The following UXS1 variants were observed in gnomAD, a reference collection of about 807,000 sequenced individuals.
The protein encoded by UXS1 is UDP-glucuronic acid decarboxylase 1.
Under a neutral mutation model 62.6 loss-of-function variants are expected in UXS1, and 33 were observed. The observed-to-expected ratio is 0.53, with a 90% CI of 0.40 to 0.70. The LOEUF is 0.70. Ranked by LOEUF, UXS1 falls within the 30% of genes least tolerant of loss-of-function variation. The probability of loss-of-function intolerance (pLI) is 0.00; values close to 1 mark genes in which losing one functional copy is unlikely to be tolerated. For synonymous variants in UXS1, 213 were observed against 206.8 expected, an observed-to-expected ratio of 1.03 and a Z score of -0.26; for missense variants, 434 against 556.3, an observed-to-expected ratio of 0.78 and a Z score of 2.21.
At chr2:106,145,906 T>C (rs1681522121) in intron 5 of UXS1, among the ~76,000 whole-genome samples, 1 of 152,240 alleles carries the variant, frequency 6.6e-6, no homozygotes, top group African/African-American at 2.4e-5. Flanking sequence ...ATACATGCTG[T>C]TTGTAGACTA....
At chr2:106,152,238 G>C (rs1046213734) in intron 5 of UXS1, among the ~76,000 whole-genome samples, 7 of 152,162 alleles carry the variant, frequency 4.6e-5, no homozygotes, top group African/African-American at 1.7e-4. Flanking sequence ...GATAGCCTGA[G>C]GTCAGGAGTT....
chr2:106,192,591 T>A (rs1221634817), intron 1 of UXS1, among the ~76,000 whole-genome samples: 1 of 150,640 alleles, frequency 6.6e-6, no homozygotes, highest in Non-Finnish European at 1.5e-5. Context: ...GCTCCATAAA[T>A]CCCCTACTTT....
chr2:106,122,580 G>C (rs1679609357), intron 9 of UXS1, among the ~76,000 whole-genome samples: 2 of 152,184 alleles, frequency 1.3e-5, no homozygotes, highest in Non-Finnish European at 2.9e-5. Flanking sequence ...TAACAATAAA[G>C]AGGTTCAAAT....
chr2:106,130,662 T>G (rs904509689), intron 6 of UXS1, among the ~76,000 whole-genome samples: 3 of 152,292 alleles, frequency 2.0e-5, no homozygotes, highest in African/African-American at 7.2e-5. Flanking sequence ...CGGGCTCCCC[T>G]GACCAGGGAA....
intron 11 of UXS1, 65 bp from the exon 12 acceptor site, chr2:106,101,183 T>G: frequency 6.5e-7 from 1 of 1,528,258 alleles, no homozygotes. Context: ...ACGCACCACA[T>G]AGAAGCCCTC....
At chr2:106,173,570 A>C (rs1396736880) in intron 1 of UXS1, among the ~76,000 whole-genome samples, 1 of 151,988 alleles carries the variant, frequency 6.6e-6, no homozygotes, top group African/African-American at 2.4e-5. Flanking sequence ...AAAATTAAAA[A>C]CCCACAAAAC....
chr2:106,148,554 T>TCTTA (rs1358356492), intron 5 of UXS1, among the ~76,000 whole-genome samples: 1 of 152,246 alleles, frequency 6.6e-6, no homozygotes. Context: ...ATCTCACTAG[T>TCTTA]CTTAGTACTG....
At chr2:106,141,637 C>T (rs1286367143) in intron 6 of UXS1, among the ~76,000 whole-genome samples, 2 of 151,888 alleles carry the variant, frequency 1.3e-5, no homozygotes, top group Non-Finnish European at 2.9e-5. Context: ...TTTGTAGAGA[C>T]AGGGTTTCGC....
intron 14 of UXS1, among the ~76,000 whole-genome samples, chr2:106,096,033 G>A (rs974058813): frequency 1.3e-5 from 2 of 152,188 alleles, no homozygotes; most frequent in Non-Finnish European, 2.9e-5. Flanking sequence ...CTTCAGTCTC[G>A]CACGCTTCCA....
intron 6 of UXS1, 43 bp downstream of exon 6, chr2:106,145,147 C>A: frequency 6.3e-7 from 1 of 1,584,464 alleles, no homozygotes; most frequent in South Asian, 1.2e-5. Context: ...GGCAAGGCCA[C>A]CTGCGGAGCT....
At chr2:106,165,603 A>C (rs1683164785) in intron 2 of UXS1, among the ~76,000 whole-genome samples, 1 of 152,132 alleles carries the variant, frequency 6.6e-6, no homozygotes, top group African/African-American at 2.4e-5. Context: ...AGCACACACG[A>C]TGCATACAGG....
intron 6 of UXS1, among the ~76,000 whole-genome samples, chr2:106,143,234 C>T (rs1327192564): frequency 6.6e-6 from 1 of 150,788 alleles, no homozygotes; most frequent in East Asian, 1.9e-4. Flanking sequence ...GGGTGAAACC[C>T]CGTCTCTACT....
chr2:106,192,015 T>C (rs1297609200), intron 1 of UXS1, among the ~76,000 whole-genome samples: 2 of 152,144 alleles, frequency 1.3e-5, no homozygotes, highest in Non-Finnish European at 2.9e-5. Flanking sequence ...TCAGGCCACA[T>C]CCCAGACCAA....
chr2:106,157,794 T>C (rs983011842), intron 5 of UXS1, among the ~76,000 whole-genome samples: 3 of 152,232 alleles, frequency 2.0e-5, no homozygotes, highest in Admixed American at 6.5e-5. Flanking sequence ...GGCAGATTCA[T>C]AGAGATAGAG....
At chr2:106,192,094 T>C (rs1054120076) in intron 1 of UXS1, among the ~76,000 whole-genome samples, 7 of 152,220 alleles carry the variant, frequency 4.6e-5, no homozygotes, top group African/African-American at 1.4e-4. Flanking sequence ...CTGATTCTGA[T>C]GCATGCTTAA....
At chr2:106,166,209 C>T (rs752609110) in intron 1 of UXS1, 126 bp from the exon 2 acceptor site, 240 of 837,908 alleles carry the variant, frequency 2.9e-4, no homozygotes, top group Non-Finnish European at 2.7e-4. Context: ...ACGAAGACAA[C>T]AAAATGCATA....
chr2:106,179,374 T>C (rs574778129), intron 1 of UXS1, among the ~76,000 whole-genome samples: 5 of 152,178 alleles, frequency 3.3e-5, no homozygotes, highest in African/African-American at 1.2e-4. Flanking sequence ...TTCCCAACCC[T>C]GTGCGGCCTC....
At chr2:106,150,238 C>T (rs1032307816) in intron 5 of UXS1, among the ~76,000 whole-genome samples, 9 of 151,842 alleles carry the variant, frequency 5.9e-5, no homozygotes, top group African/African-American at 1.9e-4. Flanking sequence ...GGAAACAGAA[C>T]AAAAAAAATT....
At chr2:106,106,487 G>C (rs748956547) in intron 10 of UXS1, among the ~76,000 whole-genome samples, 1 of 152,078 alleles carries the variant, frequency 6.6e-6, no homozygotes, top group Non-Finnish European at 1.5e-5. Context: ...TTCCACAGGT[G>C]TATCAGTTCT....
Sources: allele counts gnomAD v4.1 joint callset (sites outside exome capture counted in the v4.1 genomes callset), GRCh38; gene constraint gnomAD v4.1.1; transcripts MANE v1.5; gene names NCBI Gene and HGNC (gene_info 2026-07-23, HGNC 2026-07-21).